The following RGS5 variants were observed in gnomAD, a reference collection of about 807,000 sequenced individuals.
RGS5 encodes the protein regulator of G-protein signalling 5.
A neutral mutation model predicts 18.9 loss-of-function variants in RGS5; 20 were observed. That is an observed-to-expected ratio of 1.06 (90% CI 0.74 to 1.54). The LOEUF (loss-of-function observed/expected upper bound fraction) is 1.54. RGS5 is among the 40% of genes most tolerant of loss of function. The probability of loss-of-function intolerance (pLI) is 0.00; values close to 1 mark genes in which losing one functional copy is unlikely to be tolerated. For synonymous variants in RGS5, 57 were observed against 76.2 expected, an observed-to-expected ratio of 0.75 and a Z score of 1.31; for missense variants, 201 against 211.8, an observed-to-expected ratio of 0.95 and a Z score of 0.32.
intron 1 of RGS5, chr1:163,321,614 T>C (rs1232517840): frequency 1.3e-5 from 2 of 152,212 alleles, no homozygotes; most frequent in Non-Finnish European, 2.9e-5. Flanking sequence ...TGGAATTCTA[T>C]AAATTACCTC....
chr1:163,153,673 T>C (rs960429254), intron 3 of RGS5, among the ~76,000 whole-genome samples: 5 of 151,240 alleles, frequency 3.3e-5, no homozygotes, highest in African/African-American at 9.7e-5. Context: ...GATATAGATA[T>C]AGCCTATTAT....
intron 1 of RGS5, among the ~76,000 whole-genome samples, chr1:163,310,431 C>T (rs571483854): frequency 2.0e-4 from 30 of 152,056 alleles, no homozygotes; most frequent in South Asian, 1.7e-3. Context: ...AAAAATTAGC[C>T]GGGCGCAGTG....
At chr1:163,316,387 A>C (rs1360528578) in intron 1 of RGS5, among the ~76,000 whole-genome samples, 1 of 152,226 alleles carries the variant, frequency 6.6e-6, no homozygotes, top group Non-Finnish European at 1.5e-5. Flanking sequence ...TTAATATAAA[A>C]TGTGTGTTCA....
intron 2 of RGS5, among the ~76,000 whole-genome samples, chr1:163,241,040 T>G (rs1265363109): frequency 4.6e-5 from 7 of 152,218 alleles, no homozygotes; most frequent in Admixed American, 4.6e-4. Flanking sequence ...CTTCCTTGCT[T>G]CCTTTGGGTT....
At chr1:163,204,781 T>C (rs1452216209), upstream of RGS5, among the ~76,000 whole-genome samples, 1 of 152,142 alleles carries the variant, frequency 6.6e-6, no homozygotes, top group Non-Finnish European at 1.5e-5. Flanking sequence ...AAAGGGAATA[T>C]AAAACAAGTA....
At position 163,145,518 on chromosome 1, in the gene RGS5, T is replaced by C. The variant is rs1657097265; in HGVS notation, c.*1824A>G. 6.6e-6 allele frequency: 1 copy of C among 152,082 alleles called. No homozygotes were observed. Among genetic ancestry groups the C allele is most frequent in the Admixed American group, 6.6e-5 (1 of 15,254 alleles). 9.4% of individuals were successfully genotyped at this position (152,082 alleles called of 1,614,324 possible). On this transcript the variant is annotated 3_prime_UTR_variant, in exon 5 of 5. Coordinates refer to ENST00000313961, the MANE Select transcript of RGS5 (RefSeq NM_003617.4). ...TACACAATTGCATGCAATGAGAACT[T>C]CATGATTGTAGCATTGATCTGGCCT...
At chr1:163,273,940 C>T (rs531237564) in intron 2 of RGS5, among the ~76,000 whole-genome samples, 1 of 152,218 alleles carries the variant, frequency 6.6e-6, no homozygotes, top group South Asian at 2.1e-4. Context: ...TATAGTTAAG[C>T]CTGGCTTACT....
chr1:163,243,927 C>T (rs897387503), intron 2 of RGS5, among the ~76,000 whole-genome samples: 2 of 152,000 alleles, frequency 1.3e-5, no homozygotes, highest in African/African-American at 2.4e-5. Context: ...AAGACTGGCT[C>T]CTTCACTGTG....
upstream of RGS5, among the ~76,000 whole-genome samples, chr1:163,221,120 T>A (rs369218328): frequency 9.2e-5 from 14 of 152,302 alleles, no homozygotes; most frequent in South Asian, 2.9e-3. Flanking sequence ...CATTTGTACA[T>A]ATGTATGCAA....
intron 1 of RGS5, among the ~76,000 whole-genome samples, chr1:163,316,578 T>C (rs1386042980): frequency 1.0e-5 from 1 of 98,734 alleles, no homozygotes; most frequent in Non-Finnish European, 2.3e-5. Context: ...AGTGAGACCC[T>C]ATCTCAAAAA....
chr1:163,233,616 A>T (rs574126891), intron 2 of RGS5, among the ~76,000 whole-genome samples: 22 of 152,360 alleles, frequency 1.4e-4, no homozygotes, highest in Middle Eastern at 3.4e-3. Context: ...GAGTCCAAAA[A>T]GAGAGTCAGC....
chr1:163,241,302 A>T (rs950789471), intron 2 of RGS5, among the ~76,000 whole-genome samples: 11 of 152,194 alleles, frequency 7.2e-5, no homozygotes, highest in African/African-American at 2.4e-5. Flanking sequence ...GGCACAGAGC[A>T]GGTCTGGTTA....
chr1:163,148,066 A>C (rs1346324412), intron 4 of RGS5, among the ~76,000 whole-genome samples: 1 of 151,504 alleles, frequency 6.6e-6, no homozygotes, highest in African/African-American at 2.4e-5. Flanking sequence ...TAGCTGGGTT[A>C]CAGGCATGTG....
At chr1:163,149,907 G>T (rs1209044310) in intron 4 of RGS5, among the ~76,000 whole-genome samples, 1 of 152,150 alleles carries the variant, frequency 6.6e-6, no homozygotes. Flanking sequence ...TACTTCAGGT[G>T]CACATACATA....
chr1:163,290,326 C>T (rs78584720), intron 2 of RGS5, among the ~76,000 whole-genome samples: 3,511 of 152,284 alleles, frequency 0.023, 47 homozygotes, highest in African/African-American at 0.033. Context: ...CCTCGATTTC[C>T]TTGGTGTGAG....
chr1:163,204,344 C>G (rs949464283), upstream of RGS5, among the ~76,000 whole-genome samples: 81 of 146,220 alleles, frequency 5.5e-4, no homozygotes, highest in South Asian at 1.1e-3. Context: ...CACACACACA[C>G]AGACACACAC....
In RGS5 at chr1:163,296,201, C is replaced by T. The variant is rs548117939; in HGVS notation, c.-281+10032G>A. Reference sequence around the variant, plus strand: ...TGTAAACTATTCTTACTGCAACTATCTTTGGCAGAAGTAGGGGTGGCTGTA... The same window carrying T: ...TGTAAACTATTCTTACTGCAACTATTTTTGGCAGAAGTAGGGGTGGCTGTA... On this transcript the variant is annotated intron_variant, in intron 2 of 5. Coordinates refer to the RGS5 transcript ENST00000618415. Among the ~76,000 whole-genome samples the T allele has an allele frequency of 3.3e-5, 5 of 152,278 alleles. No individual in the cohort carries two copies. The South Asian group carries it at 1.0e-3, about 32-fold the overall frequency.
intron 2 of RGS5, among the ~76,000 whole-genome samples, chr1:163,275,190 T>C (rs887281129): frequency 2.5e-4 from 38 of 152,106 alleles, no homozygotes; most frequent in Non-Finnish European, 5.4e-4. Context: ...TTTTCACACA[T>C]CTCCTCTGTC....
Position 163,147,075 on chromosome 1 carries a change from G to A in RGS5, c.*267C>T, listed in dbSNP as rs150776196. ...TCTTTGCCTTAGGCAGGATTTTTCT[G>A]TGATTCTGATTGTGTCTGACTACAA... On this transcript the variant is annotated 3_prime_UTR_variant, in exon 5 of 5. Coordinates refer to ENST00000313961, the MANE Select transcript of RGS5 (RefSeq NM_003617.4). 3.3e-3 allele frequency: 950 copies of A among 288,192 alleles called. 12 individuals carry two copies. Among genetic ancestry groups the A allele is most frequent in the African/African-American group, 0.019 (894 of 46,140 alleles). The allele number at this position is 288,192 out of a possible 1,614,324, so 17.9% of individuals were successfully genotyped here. A position where few individuals can be genotyped will look rare whatever the true frequency, so the allele number is the denominator to read the frequency against.
Sources: allele counts gnomAD v4.1 joint callset (sites outside exome capture counted in the v4.1 genomes callset), GRCh38; gene constraint gnomAD v4.1.1; transcripts MANE v1.5; gene names NCBI Gene and HGNC (gene_info 2026-07-23, HGNC 2026-07-21).